The following NRXN1 variants were observed in gnomAD, a reference collection of about 807,000 sequenced individuals.
NRXN1 encodes the protein neurexin 1, also known as neurexin-1.
NRXN1 carries 39 observed loss-of-function variants against 150.9 expected under a neutral mutation model. The observed-to-expected ratio is 0.26, with a 90% CI of 0.20 to 0.34. The LOEUF (loss-of-function observed/expected upper bound fraction) is 0.34. NRXN1 is among the 10% of genes least tolerant of loss of function. The pLI is 1.00. For synonymous variants in NRXN1, 924 were observed against 757.0 expected, an observed-to-expected ratio of 1.22 and a Z score of -3.62; for missense variants, 1,815 against 1,949.9, an observed-to-expected ratio of 0.93 and a Z score of 1.30.
At chr2:50,249,535 G>A (rs62133089) in intron 17 of NRXN1, among the ~76,000 whole-genome samples, 1 of 151,892 alleles carries the variant, frequency 6.6e-6, no homozygotes. Flanking sequence ...TATGTATAAA[G>A]CACCATGCTA....
intron 2 of NRXN1, among the ~76,000 whole-genome samples, chr2:50,952,548 T>C (rs1691567936): frequency 6.6e-6 from 1 of 152,160 alleles, no homozygotes; most frequent in African/African-American, 2.4e-5. Context: ...GTGTTGGAGA[T>C]ATAGAGGTAA....
At chr2:50,810,657 G>A (rs1668087246) in intron 5 of NRXN1, among the ~76,000 whole-genome samples, 1 of 152,066 alleles carries the variant, frequency 6.6e-6, no homozygotes, top group Admixed American at 6.6e-5. Context: ...AAATTAATCA[G>A]CATAATAAGT....
intron 13 of NRXN1, among the ~76,000 whole-genome samples, chr2:50,506,132 T>C (rs1432933123): frequency 3.3e-5 from 5 of 152,164 alleles, no homozygotes; most frequent in Non-Finnish European, 7.4e-5. Context: ...AGGTAAAACT[T>C]GCAGTTGTTC....
At chr2:50,672,315 T>A (rs147543688) in intron 5 of NRXN1, among the ~76,000 whole-genome samples, 293 of 151,982 alleles carry the variant, frequency 1.9e-3, no homozygotes, top group African/African-American at 6.9e-3. Context: ...TCTTGTGAAT[T>A]GTTTTTGTTT....
At chr2:50,426,599 A>T (rs577997126) in intron 17 of NRXN1, among the ~76,000 whole-genome samples, 1 of 152,332 alleles carries the variant, frequency 6.6e-6, no homozygotes, top group South Asian at 2.1e-4. Flanking sequence ...CTTCCAGGAC[A>T]ATTTCCACAT....
At chr2:50,550,129 T>C (rs1667222516) in intron 9 of NRXN1, among the ~76,000 whole-genome samples, 2 of 152,208 alleles carry the variant, frequency 1.3e-5, no homozygotes, top group Admixed American at 6.5e-5. Flanking sequence ...AAATTCCTCA[T>C]TTCTAAGTGA....
intron 17 of NRXN1, among the ~76,000 whole-genome samples, chr2:50,287,853 T>C (rs1446442698): frequency 6.6e-6 from 1 of 152,162 alleles, no homozygotes; most frequent in African/African-American, 2.4e-5. Context: ...ATGTATTAAA[T>C]TTTTATCTTT....
intron 10 of NRXN1, among the ~76,000 whole-genome samples, chr2:50,533,680 G>A (rs1396062189): frequency 4.6e-5 from 7 of 152,094 alleles, no homozygotes; most frequent in African/African-American, 1.7e-4. Context: ...GTGTGACCCT[G>A]GCCCCAGTCC....
intron 22 of NRXN1, among the ~76,000 whole-genome samples, chr2:49,928,872 G>A (rs1192666170): frequency 1.3e-5 from 2 of 152,110 alleles, no homozygotes; most frequent in African/African-American, 2.4e-5. Context: ...TTCCACCCAT[G>A]CCTGCACATT....
At chr2:50,219,813 C>T (rs1281202065) in intron 18 of NRXN1, among the ~76,000 whole-genome samples, 2 of 147,570 alleles carry the variant, frequency 1.4e-5, no homozygotes, top group African/African-American at 2.5e-5. Context: ...GCTTGAGCCT[C>T]GGGAGTGTCG....
intron 17 of NRXN1, among the ~76,000 whole-genome samples, chr2:50,278,891 T>C (rs1329250803): frequency 6.6e-6 from 1 of 152,168 alleles, no homozygotes; most frequent in Non-Finnish European, 1.5e-5. Flanking sequence ...TAAAATAATC[T>C]AGAAGTAGAG....
rs576644815 is a variant in NRXN1, at chr2:50,257,559, T to G, written c.3365-20589A>C. On this transcript the variant is annotated intron_variant, in intron 17 of 22. Transcript: ENST00000401669. ...GGGCCTAGGAGTCATCTATTTGAAATGTAATCATCAAGGAAGACAGTGCTC... is the reference window on the plus strand; with the variant it reads ...GGGCCTAGGAGTCATCTATTTGAAAGGTAATCATCAAGGAAGACAGTGCTC... 2.6e-5 allele frequency among the ~76,000 whole-genome samples: 4 copies of G among 152,114 alleles called. No individual in the cohort carries two copies. The East Asian group carries it at 7.7e-4, about 29-fold the overall frequency.
intron 18 of NRXN1, among the ~76,000 whole-genome samples, chr2:50,233,559 A>G (rs1273921941): frequency 3.9e-5 from 6 of 152,100 alleles, no homozygotes; most frequent in African/African-American, 1.4e-4. Context: ...AATGCAATCA[A>G]CTTTCTAATT....
intron 5 of NRXN1, among the ~76,000 whole-genome samples, chr2:50,631,632 CATGTT>C (rs1404461998): frequency 6.6e-6 from 1 of 151,914 alleles, no homozygotes; most frequent in African/African-American, 2.4e-5. Context: ...GAAAATAGGA[CATGTT>C]CCAAAACTCT....
intron 8 of NRXN1, among the ~76,000 whole-genome samples, chr2:50,562,210 C>T (rs992113318): frequency 2.0e-4 from 30 of 152,144 alleles, no homozygotes; most frequent in African/African-American, 7.2e-4. Context: ...AAGTTTCCTC[C>T]ACCACTTAAT....
Position 51,028,296 on chromosome 2 carries a change from G to A in NRXN1, c.-23C>T, listed in dbSNP as rs201043186. 73 of 1,412,226 alleles carry A rather than the reference G, an allele frequency of 5.2e-5. No homozygotes were observed. The highest frequency in any genetic ancestry group is 6.5e-5 in the Non-Finnish European group (70 of 1,083,504). 87.5% of individuals were successfully genotyped at this position (1,412,226 alleles called of 1,614,324 possible). On this transcript the variant is annotated 5_prime_UTR_variant, in exon 2 of 23. Transcript: ENST00000401669. ...CATGCTCGGGGCTGGGGTGCGGCGGGGGGGTGCCGGGGCCGACAGGGTCAA... is the reference window on the plus strand; with the variant it reads ...CATGCTCGGGGCTGGGGTGCGGCGGAGGGGTGCCGGGGCCGACAGGGTCAA...
In NRXN1 at chr2:50,362,480, CCACT is replaced by C. The variant is rs1385534454; in HGVS notation, c.3364+102958_3364+102961del. Among the ~76,000 whole-genome samples, 9 of 152,102 alleles carry C rather than the reference CCACT, an allele frequency of 5.9e-5. No individual in the cohort carries two copies. The East Asian group carries it at 1.7e-3, about 29-fold the overall frequency. On this transcript the variant is annotated intron_variant, in intron 17 of 22. Coordinates refer to ENST00000401669, the MANE Select transcript of NRXN1 (RefSeq NM_001330078.2). ...AGAGAGCCAAATCATGAGCAAACTCCCACTCACTCACAATTGCTGCAAAGAGAAT... is the reference window on the plus strand; with the variant it reads ...AGAGAGCCAAATCATGAGCAAACTCCCACTCACAATTGCTGCAAAGAGAAT...
intron 18 of NRXN1, among the ~76,000 whole-genome samples, chr2:50,118,908 C>T (rs188412031): frequency 4.6e-4 from 70 of 151,968 alleles, no homozygotes; most frequent in African/African-American, 1.5e-3. Flanking sequence ...GAGTTTAAAG[C>T]CAGGTTTATT....
chr2:49,980,694 T>C (rs1301370400), intron 21 of NRXN1, among the ~76,000 whole-genome samples: 1 of 152,142 alleles, frequency 6.6e-6, no homozygotes, highest in Non-Finnish European at 1.5e-5. Context: ...AACCTACAAA[T>C]AGGGCACTTG....
Sources: gnomAD v4.1 joint callset for allele counts (sites outside exome capture counted in the v4.1 genomes callset) on GRCh38, gnomAD v4.1.1 for gene constraint, MANE v1.5 for transcripts, NCBI Gene and HGNC (gene_info 2026-07-23, HGNC 2026-07-21) for gene names.